The following ZNF251 variants were observed in gnomAD, a reference collection of about 807,000 sequenced individuals.
The protein encoded by ZNF251 is zinc finger protein 251.
A neutral mutation model predicts 13.5 loss-of-function variants in ZNF251; 14 were observed. The observed-to-expected ratio is 1.04, with a 90% CI of 0.69 to 1.63. ZNF251 has a LOEUF of 1.63. ZNF251 is among the 40% of genes most tolerant of loss of function. The pLI, the probability that ZNF251 is intolerant of heterozygous loss-of-function variation, is 0.00. For synonymous variants in ZNF251, 287 were observed against 295.2 expected, an observed-to-expected ratio of 0.97 and a Z score of 0.28; for missense variants, 764 against 834.9, an observed-to-expected ratio of 0.92 and a Z score of 1.05.
In ZNF251 at chr8:144,750,532, G is replaced by T. The variant is rs144673923; in HGVS notation, c.277+3151C>A. Reference sequence around the variant, plus strand: ...GTAAAATTGTTTCTCCTGAGGGCAGGTCTTGTTAAGAACAGAATGGTATAT... The same window carrying T: ...GTAAAATTGTTTCTCCTGAGGGCAGTTCTTGTTAAGAACAGAATGGTATAT... On this transcript the variant is annotated intron_variant, in intron 4 of 4. Coordinates refer to ENST00000292562, the MANE Select transcript of ZNF251 (RefSeq NM_138367.2). 1.3e-3 allele frequency among the ~76,000 whole-genome samples: 194 copies of T among 152,332 alleles called. No homozygotes were observed. The East Asian group carries it at 0.026, about 20-fold the overall frequency.
intron 2 of ZNF251, 181 bp downstream of exon 2, chr8:144,754,515 G>A: frequency 6.9e-7 from 1 of 1,448,804 alleles, no homozygotes; most frequent in Non-Finnish European, 9.1e-7. Context: ...GGACCCAGCT[G>A]AGCTCAGAGC....
At chr8:144,740,736 C>A (rs1241177870) in intron 4 of ZNF251, among the ~76,000 whole-genome samples, 2 of 151,920 alleles carry the variant, frequency 1.3e-5, no homozygotes, top group African/African-American at 4.8e-5. Flanking sequence ...GAATTCGAGA[C>A]CAGCCTGACC....
chr8:144,742,466 C>A (rs1372798231), intron 4 of ZNF251, among the ~76,000 whole-genome samples: 1 of 151,776 alleles, frequency 6.6e-6, no homozygotes, highest in East Asian at 1.9e-4. Context: ...TTCCTGCATA[C>A]CCCACCCCCC....
chr8:144,744,690 C>T (rs1472070330), intron 4 of ZNF251, among the ~76,000 whole-genome samples: 1 of 152,158 alleles, frequency 6.6e-6, no homozygotes, highest in Non-Finnish European at 1.5e-5. Flanking sequence ...TCATCTGTAA[C>T]CTAGAAAGAG....
At chr8:144,724,301 A>G (rs1351947804) in intron 4 of ZNF251, among the ~76,000 whole-genome samples, 1 of 151,374 alleles carries the variant, frequency 6.6e-6, no homozygotes, top group African/African-American at 2.4e-5. Context: ...TAAAGCAACA[A>G]TCATGCCGTG....
chr8:144,735,914 C>T (rs976901632), intron 4 of ZNF251, among the ~76,000 whole-genome samples: 2 of 152,172 alleles, frequency 1.3e-5, no homozygotes, highest in African/African-American at 4.8e-5. Context: ...TCCTGGTGCT[C>T]GGCAGTCGCC....
At chr8:144,730,083 C>T (rs1823648982) in intron 4 of ZNF251, 1 of 985,360 alleles carries the variant, frequency 1.0e-6, no homozygotes. Context: ...CCAGCAGTGC[C>T]TCTCCCTTCG....
At chr8:144,753,297 A>AAAAAAAAAAAAC in intron 4 of ZNF251, among the ~76,000 whole-genome samples, 1 of 150,956 alleles carries the variant, frequency 6.6e-6, no homozygotes, top group Non-Finnish European at 1.5e-5. Flanking sequence ...AAAAAAAAAA[A>AAAAAAAAAAAAC]AAGACTACTA....
At position 144,754,815 on chromosome 8, in the gene ZNF251, A is replaced by T; in HGVS notation, c.-75-12T>A. On this transcript the variant is annotated splice_polypyrimidine_tract_variant and intron_variant, in intron 1 of 4. Transcript: ENST00000292562. Reference sequence around the variant, plus strand: ...CTCCCCGAACTTACCTTCAGTGGGGAGAACTCAGGCTCAGCCCCATTCAAC... The same window carrying T: ...CTCCCCGAACTTACCTTCAGTGGGGTGAACTCAGGCTCAGCCCCATTCAAC... The T allele has an allele frequency of 6.4e-7, 1 of 1,552,762 alleles. No individual in the cohort carries two copies. Among genetic ancestry groups the T allele is most frequent in the Non-Finnish European group, 8.7e-7 (1 of 1,149,812 alleles).
At chr8:144,735,757 G>A (rs958172798) in intron 4 of ZNF251, among the ~76,000 whole-genome samples, 6 of 152,176 alleles carry the variant, frequency 3.9e-5, no homozygotes, top group African/African-American at 7.2e-5. Context: ...CCTGCTAAGT[G>A]ATGGCAGACA....
intron 4 of ZNF251, among the ~76,000 whole-genome samples, chr8:144,732,607 T>G (rs1368870631): frequency 6.0e-5 from 9 of 150,316 alleles, no homozygotes; most frequent in Admixed American, 1.3e-4. Context: ...GGTCAGGAGA[T>G]GGAGACCATC....
intron 4 of ZNF251, among the ~76,000 whole-genome samples, chr8:144,729,441 A>T (rs963295150): frequency 1.3e-5 from 2 of 149,534 alleles, no homozygotes; most frequent in Non-Finnish European, 1.5e-5. Flanking sequence ...GGTTCACGCC[A>T]TTCTCCTGCC....
rs948476889 is a variant in ZNF251 at position 144,755,464 on chromosome 8, G to A, written c.-135C>T. ...CGCCGAGGAGCTGCGCAGTCGCACC[G>A]AGCCCGGAACGGACCCTCCCACAGA... On this transcript the variant is annotated 5_prime_UTR_variant, in exon 1 of 5. Coordinates refer to ENST00000292562, the MANE Select transcript of ZNF251 (RefSeq NM_138367.2). 45 of 1,287,580 alleles carry A rather than the reference G, an allele frequency of 3.5e-5. No individual in the cohort carries two copies. Among genetic ancestry groups the A allele is most frequent in the Non-Finnish European group, 4.4e-5 (44 of 988,766 alleles). The allele number at this position is 1,287,580 out of a possible 1,614,324, so 79.8% of individuals were successfully genotyped here.
At chr8:144,742,080 C>T (rs1233508826) in intron 4 of ZNF251, among the ~76,000 whole-genome samples, 1 of 152,078 alleles carries the variant, frequency 6.6e-6, no homozygotes, top group African/African-American at 2.4e-5. Flanking sequence ...CGACAGGCAG[C>T]TCACCTCAAA....
In ZNF251 at chr8:144,723,979, C is replaced by T. The variant is rs550263824; in HGVS notation, c.278-597G>A. Among the ~76,000 whole-genome samples the T allele has an allele frequency of 7.8e-4, 118 of 152,252 alleles. 1 individual carries two copies. The highest frequency in any genetic ancestry group is 2.8e-3 in the African/African-American group (117 of 41,558). On this transcript the variant is annotated intron_variant, in intron 4 of 4. Transcript: ENST00000292562. ...TGGGCCAGGGCCAGGCGCGGTGGCT[C>T]ACGCCCGTAATCCCAGCACTTTGGG...
intron 4 of ZNF251, 82 bp from the exon 5 acceptor site, chr8:144,723,464 A>G: frequency 9.3e-7 from 1 of 1,074,824 alleles, no homozygotes; most frequent in Non-Finnish European, 1.2e-6. Context: ...AAGCTCCTAT[A>G]AACCATCATG....
chr8:144,747,891 C>T (rs373936866), intron 4 of ZNF251, among the ~76,000 whole-genome samples: 15 of 151,620 alleles, frequency 9.9e-5, no homozygotes, highest in Admixed American at 1.3e-4. Context: ...GGATTACAGG[C>T]GTGAGCCACC....
intron 4 of ZNF251, among the ~76,000 whole-genome samples, chr8:144,729,179 T>C (rs967449707): frequency 1.3e-4 from 19 of 151,784 alleles, no homozygotes; most frequent in African/African-American, 3.9e-4. Context: ...TATATTCATG[T>C]TAAAATTTAA....
chr8:144,739,545 C>T (rs780353655), intron 4 of ZNF251, among the ~76,000 whole-genome samples: 3 of 152,192 alleles, frequency 2.0e-5, no homozygotes, highest in Non-Finnish European at 4.4e-5. Flanking sequence ...AAATAGCCTA[C>T]GCTTGACATA....
Sources: allele counts gnomAD v4.1 joint callset (sites outside exome capture counted in the v4.1 genomes callset), GRCh38; gene constraint gnomAD v4.1.1; transcripts MANE v1.5; gene names NCBI Gene and HGNC (gene_info 2026-07-23, HGNC 2026-07-21).